The following AGMO variants were observed in gnomAD, a reference collection of about 807,000 sequenced individuals.
AGMO encodes alkylglycerol monooxygenase.
AGMO carries 75 observed loss-of-function variants against 60.2 expected under a neutral mutation model. The ratio of observed to expected loss-of-function variants is 1.25; its 90% CI spans 1.03 to 1.51. The LOEUF (loss-of-function observed/expected upper bound fraction) is 1.51. Among genes scored for constraint, AGMO ranks in the 40% most tolerant of loss-of-function variants. The probability of loss-of-function intolerance (pLI) is 0.00; values close to 1 mark genes in which losing one functional copy is unlikely to be tolerated. For missense variants in AGMO, 763 were observed against 525.5 expected, an observed-to-expected ratio of 1.45 and a Z score of -4.42; for synonymous variants, 261 against 177.1, an observed-to-expected ratio of 1.47 and a Z score of -3.76.
At chr7:15,354,368 A>ACACAC (rs1782389019) in intron 12 of AGMO, among the ~76,000 whole-genome samples, 1 of 71,812 alleles carries the variant, frequency 1.4e-5, no homozygotes, top group African/African-American at 9.0e-5. Flanking sequence ...GTGTGTATAT[A>ACACAC]GACGTGTGTA....
chr7:15,441,279 A>C (rs1039180513), intron 3 of AGMO, among the ~76,000 whole-genome samples: 1 of 152,232 alleles, frequency 6.6e-6, no homozygotes, highest in South Asian at 2.1e-4. Flanking sequence ...AGATAAAAAT[A>C]CTTTGAAATA....
chr7:15,340,522 T>C (rs1392684072), intron 12 of AGMO, among the ~76,000 whole-genome samples: 1 of 152,124 alleles, frequency 6.6e-6, no homozygotes, highest in African/African-American at 2.4e-5. Context: ...AGTACCCTCC[T>C]GCTGTGTGCA....
chr7:15,478,409 A>C (rs895991416), intron 3 of AGMO, among the ~76,000 whole-genome samples: 2 of 152,184 alleles, frequency 1.3e-5, no homozygotes, highest in Admixed American at 1.3e-4. Context: ...AATACATTGA[A>C]GTACAGGGGA....
At chr7:15,414,810 G>A (rs1451229565) in intron 5 of AGMO, among the ~76,000 whole-genome samples, 1 of 152,102 alleles carries the variant, frequency 6.6e-6, no homozygotes, top group Non-Finnish European at 1.5e-5. Flanking sequence ...ATACATCAAT[G>A]AAAGTGAGTA....
At chr7:15,505,388 G>T (rs192970721) in intron 3 of AGMO, among the ~76,000 whole-genome samples, 2 of 152,000 alleles carry the variant, frequency 1.3e-5, no homozygotes, top group African/African-American at 4.8e-5. Flanking sequence ...GTGTCTGTCT[G>T]GTTGAAATGC....
At chr7:15,387,351 G>A in intron 9 of AGMO, 55 bp downstream of exon 9, 1 of 1,585,408 alleles carries the variant, frequency 6.3e-7, no homozygotes, top group Non-Finnish European at 8.6e-7. Context: ...GCTGGCTGTA[G>A]ACCTGACAAT....
intron 12 of AGMO, among the ~76,000 whole-genome samples, chr7:15,267,228 T>C (rs1053916636): frequency 2.7e-5 from 4 of 150,240 alleles, no homozygotes; most frequent in Non-Finnish European, 4.4e-5. Flanking sequence ...TTTAAAAGTA[T>C]TTCCAGTGAT....
At chr7:15,517,390 A>G (rs114128805) in intron 3 of AGMO, among the ~76,000 whole-genome samples, 1,802 of 151,482 alleles carry the variant, frequency 0.012, 34 homozygotes, top group African/African-American at 0.04. Context: ...GGTCGAATAG[A>G]AACAGCTCTG....
intron 10 of AGMO, among the ~76,000 whole-genome samples, chr7:15,384,789 T>C (rs568200459): frequency 7.5e-4 from 112 of 149,334 alleles, no homozygotes; most frequent in African/African-American, 2.4e-3. Flanking sequence ...AGAATACAAA[T>C]AAATCTATAA....
intron 5 of AGMO, among the ~76,000 whole-genome samples, chr7:15,398,308 A>G (rs768352953): frequency 6.6e-6 from 1 of 152,156 alleles, no homozygotes; most frequent in Non-Finnish European, 1.5e-5. Context: ...ATTGCGGTGA[A>G]AATCTTTTGC....
chr7:15,418,254 T>C (rs1562497333), intron 5 of AGMO, among the ~76,000 whole-genome samples: 1 of 152,070 alleles, frequency 6.6e-6, no homozygotes, highest in Non-Finnish European at 1.5e-5. Context: ...TCAACATCTC[T>C]TGGTAAATAA....
chr7:15,367,941 A>G (rs1457806721), intron 10 of AGMO, among the ~76,000 whole-genome samples: 1 of 152,098 alleles, frequency 6.6e-6, no homozygotes, highest in Non-Finnish European at 1.5e-5. Context: ...AGTAAACAAA[A>G]GCCACCAGTC....
intron 12 of AGMO, among the ~76,000 whole-genome samples, chr7:15,205,032 T>A (rs952451076): frequency 6.6e-6 from 1 of 152,138 alleles, no homozygotes; most frequent in African/African-American, 2.4e-5. Context: ...ATGGCTCTAA[T>A]GAAGAGGAAA....
At chr7:15,290,953 A>G (rs1176186636) in intron 12 of AGMO, among the ~76,000 whole-genome samples, 2 of 152,108 alleles carry the variant, frequency 1.3e-5, no homozygotes, top group Non-Finnish European at 2.9e-5. Flanking sequence ...ATATATTAGG[A>G]TGGATAATAG....
intron 12 of AGMO, among the ~76,000 whole-genome samples, chr7:15,224,810 C>G (rs1782028210): frequency 6.6e-6 from 1 of 151,890 alleles, no homozygotes; most frequent in African/African-American, 2.4e-5. Flanking sequence ...AAGCAATTAG[C>G]AAATTTGGCA....
chr7:15,475,224 T>C (rs1284857835), intron 3 of AGMO, among the ~76,000 whole-genome samples: 1 of 152,182 alleles, frequency 6.6e-6, no homozygotes, highest in Non-Finnish European at 1.5e-5. Context: ...ATCATTCTAC[T>C]ATAAATACAC....
intron 12 of AGMO, among the ~76,000 whole-genome samples, chr7:15,357,778 G>C (rs549354502): frequency 1.4e-4 from 22 of 152,284 alleles, no homozygotes; most frequent in African/African-American, 4.8e-4. Flanking sequence ...CTGATTATGT[G>C]GAATACTGCT....
chr7:15,520,545 C>T (rs1783951637), intron 3 of AGMO, among the ~76,000 whole-genome samples: 1 of 152,160 alleles, frequency 6.6e-6, no homozygotes, highest in African/African-American at 2.4e-5. Context: ...TTAAGAAACT[C>T]ACTCAAAACT....
chr7:15,447,147 G>C (rs1205097584), intron 3 of AGMO, among the ~76,000 whole-genome samples: 1 of 152,186 alleles, frequency 6.6e-6, no homozygotes, highest in African/African-American at 2.4e-5. Flanking sequence ...AAATTGAAAA[G>C]TCAAAGTTTC....
Sources: gnomAD v4.1 joint callset for allele counts (sites outside exome capture counted in the v4.1 genomes callset) on GRCh38, gnomAD v4.1.1 for gene constraint, MANE v1.5 for transcripts, NCBI Gene and HGNC (gene_info 2026-07-23, HGNC 2026-07-21) for gene names.